ANKRD52: variants seen among roughly 807,000 people sequenced by gnomAD.
ANKRD52 encodes the protein serine/threonine-protein phosphatase 6 regulatory ankyrin repeat subunit C.
In ANKRD52, 7 loss-of-function variants were observed where a neutral mutation model predicts 116.0. The ratio of observed to expected loss-of-function variants is 0.06; its 90% confidence interval spans 0.03 to 0.11. The LOEUF (loss-of-function observed/expected upper bound fraction) is 0.11. Among genes scored for constraint, ANKRD52 ranks in the 10% least tolerant of loss-of-function variants. The probability of loss-of-function intolerance (pLI) is 1.00; values close to 1 mark genes in which losing one functional copy is unlikely to be tolerated. For missense variants in ANKRD52, 839 were observed against 1,408.6 expected, an observed-to-expected ratio of 0.60 and a Z score of 6.47; for synonymous variants, 528 against 578.1, an observed-to-expected ratio of 0.91 and a Z score of 1.24.
chr12:56,238,007 GGGGT>G lies in ANKRD52; in HGVS notation c.*5131_*5134del. The G allele has an allele frequency of 3.2e-6, 1 of 310,200 alleles. No individual in the cohort carries two copies. The highest frequency in any genetic ancestry group is 5.9e-6 in the Non-Finnish European group (1 of 170,370). The allele number at this position is 310,200 out of a possible 1,614,324, so 19.2% of individuals were successfully genotyped here. On this transcript the variant is annotated 3_prime_UTR_variant, in exon 28 of 28. Transcript: ENST00000267116. Reference sequence around the variant, plus strand: ...ATTGTGCTTTAGCCCAGGGAGGGGAGGGGTGGGGCAAATGCACCGAGGTCCCCAC... The same window carrying G: ...ATTGTGCTTTAGCCCAGGGAGGGGAGGGGGCAAATGCACCGAGGTCCCCAC...
chr12:56,245,391 C>A lies in ANKRD52; in HGVS notation c.2390G>T (p.Trp797Leu), dbSNP rs1871347115. ...CAGTCTAGTACCAGTGTAGGAGGCC[C>A]AGTGCATGGGCGAGTATCCGCTGTA... The part of the protein sequence containing the change: ...VDYSGYSPMH[W>L]ASYTGHEDCL... Residue 797 changes from tryptophan (W) to leucine (L), a missense_variant, in exon 21 of 28, where the codon TGG becomes TTG. Transcript: ENST00000267116. The A allele has an allele frequency of 6.2e-7, 1 of 1,612,064 alleles. No homozygotes were observed. The highest frequency in any genetic ancestry group is 1.1e-5 in the South Asian group (1 of 90,888).
Position 56,247,263 on chromosome 12 carries a change from C to G in ANKRD52, c.2184+230G>C, listed in dbSNP as rs141198505. Among the ~76,000 whole-genome samples, 758 of 150,688 alleles carry G rather than the reference C, an allele frequency of 5.0e-3. 2 individuals are homozygous for G. Among genetic ancestry groups the G allele is most frequent in the Middle Eastern group, 0.014 (4 of 294 alleles). On this transcript the variant is annotated intron_variant, in intron 20 of 27. Coordinates refer to ENST00000267116, the MANE Select transcript of ANKRD52 (RefSeq NM_173595.4). ...TAGGAGGCTGAGGTGCGAGAATCAC[C>G]TGAGCCCAGGAAGTCAAGGCTGCAG...
chr12:56,251,351 TCTC>T (rs1385966420), intron 15 of ANKRD52, among the ~76,000 whole-genome samples: 3 of 151,396 alleles, frequency 2.0e-5, no homozygotes, highest in African/African-American at 4.9e-5. Context: ...TTCAAGCAAT[TCTC>T]CTGCCTCGGC....
In ANKRD52 at chr12:56,243,774, A is replaced by AC; in HGVS notation, c.2980+10dup. 2 of 1,552,840 alleles carry AC rather than the reference A, an allele frequency of 1.3e-6. No individual in the cohort carries two copies. Among genetic ancestry groups the AC allele is most frequent in the African/African-American group, 2.7e-5 (2 of 73,074 alleles). On this transcript the variant is annotated intron_variant, in intron 27 of 27. Coordinates refer to ENST00000267116, the MANE Select transcript of ANKRD52 (RefSeq NM_173595.4). The surrounding 1 kb of genome is among the most constrained non-coding windows in gnomAD (Gnocchi z 4.6). ...ACCCAAGAGAGGCATGGGGCCCCAG[A>AC]CCCCACCCACCTTCTTCATCCACAG...
At chr12:56,246,954 A>G (rs1871433893) in intron 20 of ANKRD52, among the ~76,000 whole-genome samples, 1 of 146,976 alleles carries the variant, frequency 6.8e-6, no homozygotes, top group Admixed American at 6.9e-5. Flanking sequence ...AATAATAATA[A>G]TAATAATAAT....
chr12:56,241,989 G>A lies in ANKRD52; in HGVS notation c.*1153C>T. On this transcript the variant is annotated 3_prime_UTR_variant, in exon 28 of 28. Coordinates refer to ENST00000267116, the MANE Select transcript of ANKRD52 (RefSeq NM_173595.4). The stretch of plus-strand genomic sequence containing the variant: ...GCTTCTTCCTCACACTGGAGGGGAA[G>A]CCTGGGTCCCGAGTAGCCACGGTCC... 2.5e-6 allele frequency: 1 copy of A among 398,632 alleles called. No homozygotes were observed. The allele number at this position is 398,632 out of a possible 1,614,324, so 24.7% of individuals were successfully genotyped here. A position where few individuals can be genotyped will look rare whatever the true frequency, so the allele number is the denominator to read the frequency against.
chr12:56,254,762 C>A lies in ANKRD52; in HGVS notation c.551-42G>T. On this transcript the variant is annotated intron_variant, in intron 6 of 27. Coordinates refer to ENST00000267116, the MANE Select transcript of ANKRD52 (RefSeq NM_173595.4). The surrounding 1 kb of genome is among the most constrained non-coding windows in gnomAD (Gnocchi z 4.6). ...CACTCTAAAGGAAGTAGAAGGTAAACTCTAAGACCCTACACTCCTCTCTTC... is the reference window on the plus strand; with the variant it reads ...CACTCTAAAGGAAGTAGAAGGTAAAATCTAAGACCCTACACTCCTCTCTTC... 1 of 1,601,040 alleles carries A rather than the reference C, an allele frequency of 6.2e-7. No individual in the cohort carries two copies. The highest frequency in any genetic ancestry group is 8.6e-7 in the Non-Finnish European group (1 of 1,169,424).
At position 56,243,515 on chromosome 12, in the gene ANKRD52, T is replaced by A. The variant is rs1272760500; in HGVS notation, c.2981-123A>T. ...AGGCAGGTACCCAGCAGCGGCAGAA[T>A]CCAAGGGTGACGAGGGCCCAGGAAG... On this transcript the variant is annotated intron_variant, in intron 27 of 27. Transcript: ENST00000267116. The surrounding 1 kb of genome is among the most constrained non-coding windows in gnomAD (Gnocchi z 4.6). 7.2e-7 allele frequency: 1 copy of A among 1,386,166 alleles called. No homozygotes were observed. The highest frequency in any genetic ancestry group is 9.7e-7 in the Non-Finnish European group (1 of 1,033,118). 85.9% of individuals were successfully genotyped at this position (1,386,166 alleles called of 1,614,324 possible). A position where few individuals can be genotyped will look rare whatever the true frequency, so the allele number is the denominator to read the frequency against.
chr12:56,251,778 G>A lies in ANKRD52; in HGVS notation c.1592+237C>T, dbSNP rs537648345. ...AAAAAAAATCCATTCCTTTAGGGAA[G>A]GAACTATGTCTCATACTTTTGGGTT... is the stretch of plus-strand genomic sequence containing the variant. On this transcript the variant is annotated intron_variant, in intron 15 of 27. Transcript: ENST00000267116. 5.9e-5 allele frequency among the ~76,000 whole-genome samples: 9 copies of A among 151,290 alleles called. No homozygotes were observed. The South Asian group carries it at 1.5e-3, about 25-fold the overall frequency.
Position 56,253,619 on chromosome 12 carries a change from C to T in ANKRD52, c.985+103G>A, listed in dbSNP as rs567639386. ...GTCAGAGTTCCAAGGGCCTATCCTACTGGAAGAGGGCAGGAGAAGGAAGTT... is the reference window on the plus strand; with the variant it reads ...GTCAGAGTTCCAAGGGCCTATCCTATTGGAAGAGGGCAGGAGAAGGAAGTT... On this transcript the variant is annotated intron_variant, in intron 9 of 27. Coordinates refer to ENST00000267116, the MANE Select transcript of ANKRD52 (RefSeq NM_173595.4). This position sits in a 1 kb window ranked among gnomAD's most constrained non-coding sequence, Gnocchi z 5.5. 3.0e-6 allele frequency: 4 copies of T among 1,312,182 alleles called. No individual in the cohort carries two copies. Among genetic ancestry groups the T allele is most frequent in the African/African-American group, 2.9e-5 (2 of 68,358 alleles). The allele number at this position is 1,312,182 out of a possible 1,614,324, so 81.3% of individuals were successfully genotyped here. A position where few individuals can be genotyped will look rare whatever the true frequency, so the allele number is the denominator to read the frequency against.
Position 56,255,045 on chromosome 12 carries a change from G to C in ANKRD52, c.463-93C>G. On this transcript the variant is annotated intron_variant, in intron 5 of 27. Transcript: ENST00000267116. The surrounding 1 kb of genome is among the most constrained non-coding windows in gnomAD (Gnocchi z 4.3). ...GGCCTCATCTCCTGAAAAGGCTGAGGCAGCCTAATGCCTTTTTCCATGAGC... is the reference window on the plus strand; with the variant it reads ...GGCCTCATCTCCTGAAAAGGCTGAGCCAGCCTAATGCCTTTTTCCATGAGC... 1 of 1,307,302 alleles carries C rather than the reference G, an allele frequency of 7.6e-7. No homozygotes were observed. Among genetic ancestry groups the C allele is most frequent in the Middle Eastern group, 2.5e-4 (1 of 4,048 alleles). 81.0% of individuals were successfully genotyped at this position (1,307,302 alleles called of 1,614,324 possible).
chr12:56,248,949 G>A lies in ANKRD52; in HGVS notation c.1593-79C>T, dbSNP rs1871556232. 2 of 1,048,018 alleles carry A rather than the reference G, an allele frequency of 1.9e-6. No homozygotes were observed. The highest frequency in any genetic ancestry group is 5.3e-5 in the East Asian group (2 of 37,456). 64.9% of individuals were successfully genotyped at this position (1,048,018 alleles called of 1,614,324 possible). On this transcript the variant is annotated intron_variant, in intron 15 of 27. Transcript: ENST00000267116. The surrounding 1 kb of genome is among the most constrained non-coding windows in gnomAD (Gnocchi z 5.1). ...ACAGTTCTGGGAGGGCCAGAGGAGA[G>A]GACCAAGGCCCTCCAGGCCTACCTG...
chr12:56,249,263 C>T (rs755810164), intron 15 of ANKRD52, among the ~76,000 whole-genome samples: 1 of 152,226 alleles, frequency 6.6e-6, no homozygotes, highest in Non-Finnish European at 1.5e-5. Context: ...AACTCAGTCC[C>T]AGCTTCTCTC....
chr12:56,248,193 G>C lies in ANKRD52; in HGVS notation c.1808C>G (p.Thr603Arg). 6.2e-7 allele frequency: 1 copy of C among 1,613,870 alleles called. No homozygotes were observed. The highest frequency in any genetic ancestry group is 8.5e-7 in the Non-Finnish European group (1 of 1,179,900). Reference sequence around the variant, plus strand: ...CAGATTCACCAGCGTCTCCGCCAGCGTCTTCAAGGCTTCACAGTGACCGTT... The same window carrying C: ...CAGATTCACCAGCGTCTCCGCCAGCCTCTTCAAGGCTTCACAGTGACCGTT... Reference protein sequence around the residue: ...AYNGHCEALKTLAETLVNLDV... With the variant: ...AYNGHCEALKRLAETLVNLDV... Residue 603 changes from threonine (T) to arginine (R), a missense_variant, in exon 18 of 28, where the codon ACG (threonine) becomes AGG (arginine). By Grantham distance (71) the Thr-to-Arg change is moderately conservative. This residue lies in a region of ANKRD52 where 552 missense variants were observed against 810.6 expected (regional missense o/e 0.68). Coordinates refer to ENST00000267116, the MANE Select transcript of ANKRD52 (RefSeq NM_173595.4). The surrounding 1 kb of genome is among the most constrained non-coding windows in gnomAD (Gnocchi z 5.1).
In ANKRD52 at chr12:56,244,794, G is replaced by T; in HGVS notation, c.2580C>A (p.Thr860=). The change falls in exon 24 of 28, where the codon ACC becomes ACA. Residue 860 remains threonine (T), a synonymous_variant. Coordinates refer to ENST00000267116, the MANE Select transcript of ANKRD52 (RefSeq NM_173595.4). The surrounding 1 kb of genome is among the most constrained non-coding windows in gnomAD (Gnocchi z 4.9). Reference sequence around the variant, plus strand: ...CCGCGAAGGCAGCGGCGTGAAGGGGGGTCCTGTAAGGCAGGGATCAGGGTA... The same window carrying T: ...CCGCGAAGGCAGCGGCGTGAAGGGGTGTCCTGTAAGGCAGGGATCAGGGTA... ...IVNSRDAKGR[T]PLHAAAFADN... is the part of the protein sequence containing the mutation. The T allele has an allele frequency of 1.2e-6, 2 of 1,613,734 alleles. No homozygotes were observed. The highest frequency in any genetic ancestry group is 1.7e-6 in the Non-Finnish European group (2 of 1,179,880).
Position 56,253,621 on chromosome 12 carries a change from G to T in ANKRD52, c.985+101C>A. On this transcript the variant is annotated intron_variant, in intron 9 of 27. Coordinates refer to ENST00000267116, the MANE Select transcript of ANKRD52 (RefSeq NM_173595.4). The surrounding 1 kb of genome is among the most constrained non-coding windows in gnomAD (Gnocchi z 5.5). Reference sequence around the variant, plus strand: ...CAGAGTTCCAAGGGCCTATCCTACTGGAAGAGGGCAGGAGAAGGAAGTTAG... The same window carrying T: ...CAGAGTTCCAAGGGCCTATCCTACTTGAAGAGGGCAGGAGAAGGAAGTTAG... 7.6e-7 allele frequency: 1 copy of T among 1,321,746 alleles called. No individual in the cohort carries two copies. Among genetic ancestry groups the T allele is most frequent in the South Asian group, 1.3e-5 (1 of 78,662 alleles). The allele number at this position is 1,321,746 out of a possible 1,614,324, so 81.9% of individuals were successfully genotyped here. A position where few individuals can be genotyped will look rare whatever the true frequency, so the allele number is the denominator to read the frequency against.
chr12:56,247,850 G>A (rs1383128809), intron 18 of ANKRD52, 76 bp from the exon 19 acceptor site: 2 of 1,482,120 alleles, frequency 1.3e-6, no homozygotes, highest in Non-Finnish European at 1.8e-6. Context: ...AAGGACTTGG[G>A]GTCAATGTTA....
chr12:56,253,669 T>G lies in ANKRD52; in HGVS notation c.985+53A>C. Reference sequence around the variant, plus strand: ...TAGGAACCTCCCTAGATTCTAGAAATGAGTTCCTTGGGGGAGGAGGGGATG... The same window carrying G: ...TAGGAACCTCCCTAGATTCTAGAAAGGAGTTCCTTGGGGGAGGAGGGGATG... On this transcript the variant is annotated intron_variant, in intron 9 of 27. Transcript: ENST00000267116. The surrounding 1 kb of genome is among the most constrained non-coding windows in gnomAD (Gnocchi z 5.5). The G allele has an allele frequency of 1.7e-5, 27 of 1,569,744 alleles. No individual in the cohort carries two copies. The highest frequency in any genetic ancestry group is 2.4e-5 in the Non-Finnish European group (27 of 1,141,860).
rs1463177205 is a variant in ANKRD52 at position 56,239,378 on chromosome 12, A to T, written c.*3764T>A. The T allele has an allele frequency of 6.6e-6, 1 of 152,188 alleles. No homozygotes were observed. Among genetic ancestry groups the T allele is most frequent in the Non-Finnish European group, 1.5e-5 (1 of 68,052 alleles). The allele number at this position is 152,188 out of a possible 1,614,324, so 9.4% of individuals were successfully genotyped here. A position where few individuals can be genotyped will look rare whatever the true frequency, so the allele number is the denominator to read the frequency against. On this transcript the variant is annotated 3_prime_UTR_variant, in exon 28 of 28. Coordinates refer to ENST00000267116, the MANE Select transcript of ANKRD52 (RefSeq NM_173595.4). ...AGGGGAAGGGGCTGCTTTGTTCCTT[A>T]TCCCTCCTTCTTAAAAGGTAGGGTT...
Sources: allele counts gnomAD v4.1 joint callset (sites outside exome capture counted in the v4.1 genomes callset), GRCh38; gene constraint gnomAD v4.1.1; regional missense constraint gnomAD v4.1.1; non-coding constraint Gnocchi (gnomAD v3.1); transcripts MANE v1.5; gene names NCBI Gene and HGNC (gene_info 2026-07-23, HGNC 2026-07-21).